PLSCR2: variants seen among roughly 807,000 people sequenced by gnomAD.
PLSCR2 encodes phospholipid scramblase 2, also known as PL scramblase 2.
In PLSCR2, 18 loss-of-function variants were observed where a neutral mutation model predicts 25.3. The observed-to-expected ratio is 0.71, with a 90% CI of 0.49 to 1.06. The LOEUF (loss-of-function observed/expected upper bound fraction) is 1.06, where lower values mean the gene tolerates loss of function less well. Among genes scored for constraint, PLSCR2 ranks in the 50% least tolerant of loss-of-function variants. The pLI is 0.00. For missense variants in PLSCR2, 243 were observed against 269.5 expected (o/e 0.90, Z 0.69); for synonymous variants, 88 against 87.3 (o/e 1.01, Z -0.04).
At chr3:146,395,731 T>G (rs1478324645) in intron 3 of PLSCR2, 2 of 160,570 alleles carry the variant, frequency 1.2e-5, no homozygotes, top group Non-Finnish European at 2.8e-5. Flanking sequence ...AATATAATTT[T>G]CAGCTAAATA....
chr3:146,440,943 G>C (rs925678050), downstream of PLSCR2, among the ~76,000 whole-genome samples: 1 of 151,820 alleles, frequency 6.6e-6, no homozygotes, highest in African/African-American at 2.4e-5. Context: ...ACATATTCTG[G>C]GAATGATAGA....
At chr3:146,475,768 A>T (rs924730900) in intron 1 of PLSCR2, among the ~76,000 whole-genome samples, 1 of 152,168 alleles carries the variant, frequency 6.6e-6, no homozygotes, top group African/African-American at 2.4e-5. Context: ...CAAAGATCCA[A>T]TAGATGATTT....
Position 146,448,064 on chromosome 3 carries a change from A to T in PLSCR2, c.645+1142T>A, listed in dbSNP as rs371095874. ...AGAAAGCCACTGCCGGGTATGGGGG[A>T]GGAGTGATTTAGGTGATTCAAGACT... On this transcript the variant is annotated intron_variant, in intron 6 of 6. Transcript: ENST00000610787. Among the ~76,000 whole-genome samples, 484 of 152,136 alleles carry T rather than the reference A, an allele frequency of 3.2e-3. 3 individuals are homozygous for T. Among genetic ancestry groups the T allele is most frequent in the South Asian group, 0.018 (85 of 4,810 alleles).
chr3:146,427,303 A>G (rs982349151), intron 2 of PLSCR2, among the ~76,000 whole-genome samples: 2 of 152,208 alleles, frequency 1.3e-5, no homozygotes, highest in Non-Finnish European at 2.9e-5. Flanking sequence ...CATGGTGCTA[A>G]AGAAAAAGGT....
rs185599817 is a variant in PLSCR2 at position 146,435,598 on chromosome 3, C to T, written c.*35-2081G>A. 3.4e-3 allele frequency among the ~76,000 whole-genome samples: 516 copies of T among 152,182 alleles called. 2 individuals carry two copies. Among genetic ancestry groups the T allele is most frequent in the African/African-American group, 0.012 (486 of 41,514 alleles). On this transcript the variant is annotated intron_variant, in intron 8 of 8. Coordinates refer to the PLSCR2 transcript ENST00000336685. ...TTGAGAAGTGTCTGTTCATATCCTTCGCCCACTTTTTGATGGGATTGTTTG... is the reference window on the plus strand; with the variant it reads ...TTGAGAAGTGTCTGTTCATATCCTTTGCCCACTTTTTGATGGGATTGTTTG...
At chr3:146,449,517 AG>A (rs1201970524) in intron 5 of PLSCR2, 150 bp from the exon 6 acceptor site, 1 of 488,458 alleles carries the variant, frequency 2.0e-6, no homozygotes, top group African/African-American at 2.0e-5. Context: ...AGATGCATAT[AG>A]GCTCCTGTAT....
At chr3:146,393,816 A>AAAAAT in intron 3 of PLSCR2, among the ~76,000 whole-genome samples, 1 of 151,768 alleles carries the variant, frequency 6.6e-6, no homozygotes, top group East Asian at 1.9e-4. Context: ...CTCAAAAAAA[A>AAAAAT]AAAAAAAACT....
intron 1 of PLSCR2, among the ~76,000 whole-genome samples, chr3:146,472,887 A>G (rs1438757525): frequency 6.6e-6 from 1 of 152,218 alleles, no homozygotes; most frequent in East Asian, 1.9e-4. Context: ...CAGTAAAATC[A>G]TCATCTGTTG....
intron 1 of PLSCR2, among the ~76,000 whole-genome samples, chr3:146,490,758 T>C (rs2108576725): frequency 6.6e-6 from 1 of 152,208 alleles, no homozygotes; most frequent in East Asian, 1.9e-4. Flanking sequence ...TTGAGATGGG[T>C]CTCTTGAAGA....
intron 1 of PLSCR2, among the ~76,000 whole-genome samples, chr3:146,493,524 C>A (rs997910852): frequency 6.6e-6 from 1 of 152,032 alleles, no homozygotes; most frequent in Admixed American, 6.6e-5. Context: ...GAACTAAGAA[C>A]AAAAACCACA....
upstream of PLSCR2, among the ~76,000 whole-genome samples, chr3:146,463,448 C>T (rs1343084525): frequency 6.6e-6 from 1 of 152,184 alleles, no homozygotes; most frequent in Non-Finnish European, 1.5e-5. Context: ...AGCCACCGCG[C>T]CCTGCCTATA....
Position 146,459,619 on chromosome 3 carries a change from A to G in PLSCR2, c.57+229T>C, listed in dbSNP as rs150702466. Among the ~76,000 whole-genome samples the G allele has an allele frequency of 3.3e-3, 508 of 152,320 alleles. 2 individuals carry two copies. The highest frequency in any genetic ancestry group is 0.012 in the African/African-American group (483 of 41,574). ...ACTTTGGACTATTATCACATTATATAAAAGATCATAGAAAACAATCACCTG... is the reference window on the plus strand; with the variant it reads ...ACTTTGGACTATTATCACATTATATGAAAGATCATAGAAAACAATCACCTG... On this transcript the variant is annotated intron_variant, in intron 2 of 6. Coordinates refer to ENST00000610787, the Ensembl canonical transcript of PLSCR2.
intron 2 of PLSCR2, among the ~76,000 whole-genome samples, chr3:146,414,746 C>T (rs552637294): frequency 8.5e-5 from 13 of 152,232 alleles, no homozygotes; most frequent in Non-Finnish European, 1.8e-4. Flanking sequence ...TTGGACTATC[C>T]AGAAACTTAC....
At chr3:146,495,245 C>A (rs2043705421) in intron 1 of PLSCR2, among the ~76,000 whole-genome samples, 1 of 152,124 alleles carries the variant, frequency 6.6e-6, no homozygotes, top group East Asian at 1.9e-4. Flanking sequence ...ACATAAATGT[C>A]TTCTTCCTAT....
At chr3:146,460,730 A>C (rs576324582), upstream of PLSCR2, among the ~76,000 whole-genome samples, 10 of 149,990 alleles carry the variant, frequency 6.7e-5, no homozygotes, top group South Asian at 2.1e-3. Context: ...GAAAACAAAT[A>C]ATTATCCACC....
chr3:146,473,316 T>TTC (rs2042178870), intron 1 of PLSCR2, among the ~76,000 whole-genome samples: 1 of 150,024 alleles, frequency 6.7e-6, no homozygotes, highest in South Asian at 2.1e-4. Flanking sequence ...TTTTTTTTTT[T>TTC]TTTTTTAAGA....
downstream of PLSCR2, among the ~76,000 whole-genome samples, chr3:146,431,871 A>AC (rs2039558408): frequency 6.6e-6 from 1 of 151,970 alleles, no homozygotes; most frequent in South Asian, 2.1e-4. Flanking sequence ...CATTAAAAAA[A>AC]AAAAAAAGAC....
chr3:146,407,142 T>A (rs2038683731), intron 2 of PLSCR2, among the ~76,000 whole-genome samples: 1 of 152,134 alleles, frequency 6.6e-6, no homozygotes, highest in Non-Finnish European at 1.5e-5. Flanking sequence ...TAAGTGTTTT[T>A]TAGGGTGCGG....
At chr3:146,468,819 AAAAATCTCACATTCTC>A (rs2041981289) in intron 1 of PLSCR2, among the ~76,000 whole-genome samples, 1 of 152,158 alleles carries the variant, frequency 6.6e-6, no homozygotes, top group Non-Finnish European at 1.5e-5. Flanking sequence ...AAAACAAACA[AAAAATCTCACATTCTC>A]CCAATGTGCC....
Sources: allele counts gnomAD v4.1 joint callset (sites outside exome capture counted in the v4.1 genomes callset), GRCh38; gene constraint gnomAD v4.1.1; transcripts MANE v1.5; gene names NCBI Gene and HGNC (gene_info 2026-07-23, HGNC 2026-07-21).